The following SVOP variants were observed in gnomAD, a reference collection of about 807,000 sequenced individuals.
SVOP encodes the protein synaptic vesicle 2-related protein.
A neutral mutation model predicts 69.1 loss-of-function variants in SVOP; 17 were observed. That is an observed-to-expected ratio of 0.25 (90% CI 0.17 to 0.37). SVOP has a LOEUF of 0.37. SVOP is among the 10% of genes least tolerant of loss of function. The pLI, the probability that SVOP is intolerant of heterozygous loss-of-function variation, is 1.00. For synonymous variants in SVOP, 238 were observed against 238.6 expected (o/e 1.00, Z 0.02); for missense variants, 435 against 597.5 (o/e 0.73, Z 2.84).
chr12:109,013,051 T>C (rs2040350713), intron 1 of SVOP, among the ~76,000 whole-genome samples: 1 of 152,140 alleles, frequency 6.6e-6, no homozygotes, highest in South Asian at 2.1e-4. Flanking sequence ...TCAGGGAAAA[T>C]AACACAGCCG....
intron 1 of SVOP, among the ~76,000 whole-genome samples, chr12:109,018,288 G>T (rs188472595): frequency 6.6e-6 from 1 of 152,208 alleles, no homozygotes; most frequent in African/African-American, 2.4e-5. Flanking sequence ...CTGTCCCAGA[G>T]TGGACAGCAT....
intron 5 of SVOP, among the ~76,000 whole-genome samples, chr12:108,965,677 T>G (rs1350579723): frequency 6.6e-6 from 1 of 152,168 alleles, no homozygotes; most frequent in Non-Finnish European, 1.5e-5. Context: ...GGGTTACCAG[T>G]TTGCAACTTG....
chr12:108,945,955 A>G (rs1216464307), intron 6 of SVOP, among the ~76,000 whole-genome samples: 1 of 152,238 alleles, frequency 6.6e-6, no homozygotes, highest in Non-Finnish European at 1.5e-5. Flanking sequence ...ATTTGTGATT[A>G]AGAATATTTC....
intron 15 of SVOP, 140 bp from the exon 16 acceptor site, chr12:108,912,881 C>G (rs192323884): frequency 3.7e-5 from 33 of 901,672 alleles, no homozygotes; most frequent in East Asian, 2.4e-4. Context: ...CTCCTCTCCC[C>G]CTTTGTCCCT....
Position 108,911,293 on chromosome 12 carries a change from A to T in SVOP, c.*1242T>A, listed in dbSNP as rs2039680228. The T allele has an allele frequency of 6.6e-6, 1 of 152,172 alleles. No individual in the cohort carries two copies. Among genetic ancestry groups the T allele is most frequent in the Admixed American group, 6.5e-5 (1 of 15,270 alleles). 9.4% of individuals were successfully genotyped at this position (152,172 alleles called of 1,614,324 possible). The stretch of plus-strand genomic sequence containing the variant: ...GGTCCCCTGATCCCCATGGGATGAG[A>T]TGGTGGGTGTAGCATCCTTCTGGTT... On this transcript the variant is annotated 3_prime_UTR_variant, in exon 16 of 16. Coordinates refer to ENST00000610966, the MANE Select transcript of SVOP (RefSeq NM_018711.5).
chr12:108,955,162 T>A (rs1293482618), intron 6 of SVOP, among the ~76,000 whole-genome samples: 1 of 152,238 alleles, frequency 6.6e-6, no homozygotes, highest in East Asian at 1.9e-4. Context: ...TTTAAATCCT[T>A]TATCTTTCCT....
At chr12:108,970,236 A>G (rs143930305) in intron 5 of SVOP, among the ~76,000 whole-genome samples, 105,647 of 151,556 alleles carry the variant, frequency 0.7, 37,269 homozygotes, top group South Asian at 0.79. Context: ...TTCAAGCCAC[A>G]GGCATCATAG....
At chr12:108,964,035 T>C (rs1000661751) in intron 5 of SVOP, among the ~76,000 whole-genome samples, 17 of 152,238 alleles carry the variant, frequency 1.1e-4, no homozygotes, top group Non-Finnish European at 2.1e-4. Context: ...AAGTGATCGA[T>C]TTTTAAAAAG....
At chr12:108,952,274 C>T (rs1454456624) in intron 6 of SVOP, among the ~76,000 whole-genome samples, 1 of 114,244 alleles carries the variant, frequency 8.8e-6, no homozygotes, top group East Asian at 3.0e-4. Context: ...TCACTCTGTT[C>T]CCCAGGCTGG....
chr12:108,924,020 T>C (rs1466104624), intron 11 of SVOP, among the ~76,000 whole-genome samples: 1 of 152,182 alleles, frequency 6.6e-6, no homozygotes, highest in African/African-American at 2.4e-5. Flanking sequence ...GTAGGGACTT[T>C]GGGGAAGTGA....
intron 6 of SVOP, among the ~76,000 whole-genome samples, chr12:108,946,757 C>T (rs556437562): frequency 4.7e-4 from 70 of 150,194 alleles, no homozygotes; most frequent in Admixed American, 2.3e-3. Flanking sequence ...CTTACTCTGT[C>T]GCTCAGGCTG....
intron 2 of SVOP, among the ~76,000 whole-genome samples, chr12:108,979,262 CAG>C (rs1456842512): frequency 2.0e-5 from 3 of 152,112 alleles, no homozygotes; most frequent in Non-Finnish European, 2.9e-5. Flanking sequence ...TGTTTTGAGA[CAG>C]TGTCTCGCTC....
intron 5 of SVOP, among the ~76,000 whole-genome samples, chr12:108,970,954 G>T (rs1285696692): frequency 1.3e-5 from 2 of 152,096 alleles, no homozygotes; most frequent in Non-Finnish European, 2.9e-5. Flanking sequence ...GAAGGTCAAG[G>T]CTGCAGTTAG....
chr12:108,971,851 T>G (rs1436671510), intron 5 of SVOP, among the ~76,000 whole-genome samples: 1 of 151,736 alleles, frequency 6.6e-6, no homozygotes, highest in Non-Finnish European at 1.5e-5. Context: ...GCCAGGAATT[T>G]GAGACCAGCC....
chr12:108,998,384 T>G (rs2040248638), intron 1 of SVOP, among the ~76,000 whole-genome samples: 5 of 151,386 alleles, frequency 3.3e-5, no homozygotes, highest in African/African-American at 1.2e-4. Flanking sequence ...TGGAAAACAC[T>G]CTGCAGGATA....
At chr12:108,922,978 C>CT (rs772722652) in intron 11 of SVOP, among the ~76,000 whole-genome samples, 181 bp from the exon 12 acceptor site, 3 of 152,246 alleles carry the variant, frequency 2.0e-5, no homozygotes, top group Non-Finnish European at 2.9e-5. Context: ...CTTCATCTCT[C>CT]TAAGTGTGAG....
chr12:108,973,633 A>C (rs1336770217), intron 4 of SVOP, among the ~76,000 whole-genome samples: 2 of 152,102 alleles, frequency 1.3e-5, no homozygotes, highest in Non-Finnish European at 2.9e-5. Flanking sequence ...TCCTTGCTTC[A>C]AGGGATCCTT....
intron 2 of SVOP, among the ~76,000 whole-genome samples, chr12:108,980,227 A>G (rs2040128346): frequency 1.3e-5 from 2 of 152,012 alleles, no homozygotes; most frequent in African/African-American, 4.8e-5. Flanking sequence ...AAAACACTAA[A>G]CCCAATATGT....
intron 11 of SVOP, among the ~76,000 whole-genome samples, chr12:108,925,199 T>C (rs1232223043): frequency 6.6e-6 from 1 of 152,214 alleles, no homozygotes; most frequent in Non-Finnish European, 1.5e-5. Context: ...TCCTTGTTTA[T>C]AAGCCATCCA....
Sources: allele counts gnomAD v4.1 joint callset (sites outside exome capture counted in the v4.1 genomes callset), GRCh38; gene constraint gnomAD v4.1.1; transcripts MANE v1.5; gene names NCBI Gene and HGNC (gene_info 2026-07-23, HGNC 2026-07-21).